CREBBP: variants seen among roughly 807,000 people sequenced by gnomAD.
CREBBP encodes the protein CREB-binding protein.
A neutral mutation model predicts 265.0 loss-of-function variants in CREBBP; 19 were observed. The ratio of observed to expected loss-of-function variants is 0.07; its 90% confidence interval spans 0.05 to 0.11. The LOEUF (loss-of-function observed/expected upper bound fraction) is 0.11. CREBBP is among the 10% of genes least tolerant of loss of function. The pLI is 1.00. For missense variants in CREBBP, 2,525 were observed against 3,219.0 expected, an observed-to-expected ratio of 0.78 and a Z score of 5.22; for synonymous variants, 1,457 against 1,223.7, an observed-to-expected ratio of 1.19 and a Z score of -3.98.
chr16:3,849,441 GTGTGTGTGTGTGTGTGTGT>G lies in CREBBP; in HGVS notation c.798+837_798+855del, dbSNP rs2054763653. On this transcript the variant is annotated intron_variant, in intron 2 of 30. Transcript: ENST00000262367. ...TGTGTGTGTGTGTGTGTGTGTGTGT[GTGTGTGTGTGTGTGTGTGT>G]GTGTGTGTGTGTGTGTGTGTGTGTG... 4.5e-4 allele frequency among the ~76,000 whole-genome samples: 8 copies of G among 17,970 alleles called. No homozygotes were observed. The East Asian group carries it at 0.017, about 37-fold the overall frequency. The allele number at this position is 17,970 out of a possible 152,430, so 11.8% of individuals were successfully genotyped here.
At chr16:3,852,157 GTTT>G (rs910861282) in intron 1 of CREBBP, among the ~76,000 whole-genome samples, 40 of 50,900 alleles carry the variant, frequency 7.9e-4, no homozygotes, top group African/African-American at 2.6e-3. Context: ...TCTTAAATTT[GTTT>G]TTTTTTTTTT....
At position 3,757,953 on chromosome 16, in the gene CREBBP, G is replaced by A. The variant is rs1447337021; in HGVS notation, c.3465C>T (p.Asp1155=). The part of the protein sequence containing the change: ...GQYQEPWQYV[D]DVWLMFNNAW... ...CATTGTTGAACATGAGCCAGACGTC[G>A]TCCACGTACTGCCAGGGCTCTTGGT... Residue 1155 remains aspartate, a synonymous_variant, in exon 18 of 31, where the codon GAC becomes GAT. Transcript: ENST00000262367. 6.2e-6 allele frequency: 10 copies of A among 1,613,810 alleles called. No individual in the cohort carries two copies. The highest frequency in any genetic ancestry group is 1.6e-4 in the Middle Eastern group (1 of 6,062).
rs778596455 is a variant in CREBBP, at chr16:3,793,615, T to C, written c.987A>G (p.Gln329=). 1.2e-6 allele frequency: 2 copies of C among 1,613,174 alleles called. No homozygotes were observed. The highest frequency in any genetic ancestry group is 8.5e-7 in the Non-Finnish European group (1 of 1,180,006). ...GTGTGGGTACAATTCCCACTGATGT[T>C]TGCATCTGAGACTAAAATAAAGCAA... ...VTNVPNMSQM[Q]TSVGIVPTQA... The change falls in exon 4 of 31, where the codon CAA becomes CAG. Residue 329 remains glutamine, a synonymous_variant. Coordinates refer to ENST00000262367, the MANE Select transcript of CREBBP (RefSeq NM_004380.3).
intron 17 of CREBBP, 59 bp from the exon 18 acceptor site, chr16:3,758,107 T>TGG: frequency 6.4e-7 from 1 of 1,564,112 alleles, no homozygotes; most frequent in African/African-American, 1.4e-5. Flanking sequence ...AATGCCAGTC[T>TGG]CATCTGGCAG....
At chr16:3,740,705 C>T (rs1285004868) in intron 23 of CREBBP, 156 bp from the exon 24 acceptor site, 4 of 914,144 alleles carry the variant, frequency 4.4e-6, no homozygotes, top group East Asian at 2.6e-5. Flanking sequence ...TCCTGTGACA[C>T]GAGTGTTATA....
At chr16:3,870,550 C>CG (rs2141582423) in intron 1 of CREBBP, among the ~76,000 whole-genome samples, 1 of 152,236 alleles carries the variant, frequency 6.6e-6, no homozygotes, top group South Asian at 2.1e-4. Flanking sequence ...CAAACACAGA[C>CG]GGAGTAAAAT....
intron 1 of CREBBP, among the ~76,000 whole-genome samples, chr16:3,872,959 CAG>C (rs980856472): frequency 3.9e-5 from 6 of 152,244 alleles, no homozygotes; most frequent in African/African-American, 1.4e-4. Context: ...ACTCAGGAAA[CAG>C]GGGAGGGAGT....
Position 3,729,173 on chromosome 16 carries a change from C to T in CREBBP, c.5874G>A (p.Ala1958=), listed in dbSNP as rs373950003. 12 of 1,536,214 alleles carry T rather than the reference C, an allele frequency of 7.8e-6. No individual in the cohort carries two copies. The East Asian group carries it at 9.8e-5, about 13-fold the overall frequency. ...PAQPPPAAVE[A]ARQIEREAQQ... ...GGGCCTCACGCTCGATCTGCCGAGC[C>T]GCTTCCACCGCTGCAGGAGGGGGCT... The change falls in exon 31 of 31, where the codon GCG becomes GCA. Residue 1958 remains alanine (A), a synonymous_variant. Transcript: ENST00000262367.
chr16:3,789,003 A>C (rs140035895), intron 5 of CREBBP, among the ~76,000 whole-genome samples: 265 of 152,348 alleles, frequency 1.7e-3, no homozygotes, highest in Non-Finnish European at 2.6e-3. Context: ...AAAGGTAATC[A>C]ATGGTCTGGG....
At chr16:3,738,933 G>A (rs1329593665) in intron 25 of CREBBP, among the ~76,000 whole-genome samples, 1 of 152,186 alleles carries the variant, frequency 6.6e-6, no homozygotes. Context: ...TGTAGAGCTA[G>A]GGTCTCACTT....
rs374224689 is a variant in CREBBP at position 3,727,129 on chromosome 16, TATAG to T, written c.*585_*588del. 7.7e-5 allele frequency: 18 copies of T among 234,892 alleles called. No homozygotes were observed. The highest frequency in any genetic ancestry group is 3.0e-4 in the East Asian group (5 of 16,576). 14.6% of individuals were successfully genotyped at this position (234,892 alleles called of 1,614,324 possible). ...GACAAGTTTGGCTTCAGCCATTATG[TATAG>T]ATAGATGTGTGTGGGTGTGTACGTG... is the stretch of plus-strand genomic sequence containing the variant. On this transcript the variant is annotated 3_prime_UTR_variant, in exon 31 of 31. Transcript: ENST00000262367.
chr16:3,835,482 C>T (rs556233149), intron 2 of CREBBP, among the ~76,000 whole-genome samples: 1 of 151,280 alleles, frequency 6.6e-6, no homozygotes, highest in East Asian at 1.9e-4. Context: ...CCTCCTTGTA[C>T]AGTGAATTTC....
chr16:3,736,332 C>A, intron 27 of CREBBP, 129 bp from the exon 28 acceptor site: 1 of 984,932 alleles, frequency 1.0e-6, no homozygotes, highest in East Asian at 2.5e-5. Context: ...TGTGCCCCCC[C>A]ACCACAGTGC....
intron 1 of CREBBP, among the ~76,000 whole-genome samples, chr16:3,864,898 C>G (rs977622424): frequency 6.6e-6 from 1 of 152,186 alleles, no homozygotes; most frequent in African/African-American, 2.4e-5. Flanking sequence ...AAAACCCCTC[C>G]TTTACTAAAA....
chr16:3,855,584 A>G (rs1013940886), intron 1 of CREBBP, among the ~76,000 whole-genome samples: 22 of 152,176 alleles, frequency 1.4e-4, no homozygotes, highest in African/African-American at 4.8e-4. Flanking sequence ...ATTTTTGAAG[A>G]ATAGAGGCCA....
intron 30 of CREBBP, among the ~76,000 whole-genome samples, 153 bp from the exon 31 acceptor site, chr16:3,730,027 G>GGAGACCCGGACAGGGCGGGA (rs1350954658): frequency 6.6e-6 from 1 of 152,158 alleles, no homozygotes; most frequent in Non-Finnish European, 1.5e-5. Context: ...CGGACAGGTG[G>GGAGACCCGGACAGGGCGGGA]GAGACCCGGA....
intron 1 of CREBBP, among the ~76,000 whole-genome samples, chr16:3,872,070 T>C (rs1450210296): frequency 6.6e-6 from 1 of 152,216 alleles, no homozygotes; most frequent in African/African-American, 2.4e-5. Flanking sequence ...TCACACGGGA[T>C]AATATCCAAA....
At chr16:3,778,868 T>A (rs748052960) in intron 8 of CREBBP, 51 bp from the exon 9 acceptor site, 17 of 1,538,426 alleles carry the variant, frequency 1.1e-5, no homozygotes, top group Non-Finnish European at 6.3e-6. Context: ...TTCTTTTTTT[T>A]AAAGACATGG....
chr16:3,874,393 G>A (rs149953742), intron 1 of CREBBP, among the ~76,000 whole-genome samples: 24 of 152,274 alleles, frequency 1.6e-4, no homozygotes, highest in Middle Eastern at 3.4e-3. Context: ...GCTCCCCAAC[G>A]GGTGCTCAGA....
Sources: gnomAD v4.1 joint callset for allele counts (sites outside exome capture counted in the v4.1 genomes callset) on GRCh38, gnomAD v4.1.1 for gene constraint, MANE v1.5 for transcripts, NCBI Gene and HGNC (gene_info 2026-07-23, HGNC 2026-07-21) for gene names.